Variants in ZHX2 observed in about 807,000 individuals in gnomAD.
The protein encoded by ZHX2 is zinc fingers and homeoboxes 2, also known as zinc fingers and homeoboxes protein 2.
In ZHX2, 6 loss-of-function variants were observed where a neutral mutation model predicts 21.9. The ratio of observed to expected loss-of-function variants is 0.27; its 90% CI spans 0.15 to 0.54. The LOEUF is 0.54. Among genes scored for constraint, ZHX2 ranks in the 20% least tolerant of loss-of-function variants. The pLI is 0.95. For synonymous variants in ZHX2, 434 were observed against 437.1 expected (o/e 0.99, Z 0.09); for missense variants, 908 against 1,090.7 (o/e 0.83, Z 2.36).
chr8:122,846,579 A>G (rs1306342375), intron 1 of ZHX2, among the ~76,000 whole-genome samples: 2 of 133,752 alleles, frequency 1.5e-5, no homozygotes, highest in Non-Finnish European at 3.2e-5. Context: ...GCCAGTCTCC[A>G]TGGGATCTTT....
chr8:122,833,964 T>G (rs1350627403), intron 1 of ZHX2, among the ~76,000 whole-genome samples: 2 of 150,276 alleles, frequency 1.3e-5, no homozygotes, highest in African/African-American at 4.9e-5. Context: ...GCCACTGCAC[T>G]CCAGCCTGGG....
chr8:122,911,562 C>T (rs1452774105), intron 2 of ZHX2, among the ~76,000 whole-genome samples: 3 of 152,122 alleles, frequency 2.0e-5, no homozygotes, highest in African/African-American at 4.8e-5. Flanking sequence ...AGGGAAGAGA[C>T]AAAGAAATAT....
intron 2 of ZHX2, among the ~76,000 whole-genome samples, chr8:122,886,990 G>A (rs1819856525): frequency 6.6e-6 from 1 of 151,550 alleles, no homozygotes; most frequent in African/African-American, 2.4e-5. Context: ...ATCAGAGGCA[G>A]AATTTGAATC....
chr8:122,906,953 G>C (rs1030911792), intron 2 of ZHX2, among the ~76,000 whole-genome samples: 7 of 152,134 alleles, frequency 4.6e-5, no homozygotes, highest in African/African-American at 1.7e-4. Flanking sequence ...TTACAGGCAT[G>C]AGCCGCCATA....
At chr8:122,955,075 G>A (rs961560622) in intron 3 of ZHX2, among the ~76,000 whole-genome samples, 1 of 137,506 alleles carries the variant, frequency 7.3e-6, no homozygotes, top group Non-Finnish European at 1.6e-5. Context: ...AAGCCGGGGG[G>A]GGGGGGGTGG....
intron 2 of ZHX2, among the ~76,000 whole-genome samples, chr8:122,904,858 C>T (rs532183790): frequency 1.3e-5 from 2 of 152,200 alleles, no homozygotes; most frequent in East Asian, 1.9e-4. Flanking sequence ...TAAAATTTTA[C>T]AGATTATAAA....
At chr8:122,802,728 A>G (rs1280349068) in intron 1 of ZHX2, among the ~76,000 whole-genome samples, 3 of 152,030 alleles carry the variant, frequency 2.0e-5, no homozygotes, top group Non-Finnish European at 4.4e-5. Flanking sequence ...AGGGCAGGAG[A>G]TGTGTTCTGG....
intron 2 of ZHX2, among the ~76,000 whole-genome samples, chr8:122,942,960 T>C (rs1196575738): frequency 2.0e-5 from 3 of 152,180 alleles, no homozygotes; most frequent in Non-Finnish European, 2.9e-5. Flanking sequence ...CCTGGGAGCC[T>C]GTTAGGAATG....
In ZHX2 at chr8:122,953,043, G is replaced by T; in HGVS notation, c.1533G>T (p.Leu511Phe). 2 of 1,614,044 alleles carry T rather than the reference G, an allele frequency of 1.2e-6. No individual in the cohort carries two copies. Among genetic ancestry groups the T allele is most frequent in the Non-Finnish European group, 1.7e-6 (2 of 1,180,030 alleles). ...ITSESLAKDQ[L>F]AIAASRHGRT... ...GCGAATCCCTTGCCAAAGACCAGTT[G>T]GCCATCGCGGCCTCCCGACACGGTC... The change falls in exon 3 of 4, where the codon TTG becomes TTT. Residue 511 changes from leucine (L) to phenylalanine (F), a missense_variant. Coordinates refer to ENST00000314393, the MANE Select transcript of ZHX2 (RefSeq NM_014943.5). The surrounding 1 kb of genome is among the most constrained non-coding windows in gnomAD (Gnocchi z 4.6).
At chr8:122,912,758 T>C (rs551206866) in intron 2 of ZHX2, among the ~76,000 whole-genome samples, 1 of 152,210 alleles carries the variant, frequency 6.6e-6, no homozygotes, top group South Asian at 2.1e-4. Flanking sequence ...GCACCTACTA[T>C]GTCCCAGGTA....
intron 2 of ZHX2, among the ~76,000 whole-genome samples, chr8:122,872,209 A>G (rs183055188): frequency 1.1e-4 from 17 of 152,304 alleles, no homozygotes; most frequent in Non-Finnish European, 2.2e-4. Context: ...CAGCTCAGAG[A>G]TAGAAGACTG....
rs768004784 is a variant in ZHX2 at position 122,953,898 on chromosome 8, G to A, written c.2388G>A (p.Val796=). Residue 796 remains valine (V), a synonymous_variant, in exon 3 of 4, where the codon GTG becomes GTA. Transcript: ENST00000314393. This position sits in a 1 kb window ranked among gnomAD's most constrained non-coding sequence, Gnocchi z 4.6. ...CGAGCGTTGTGGATTACGTGGAGGT[G>A]ACGGTCGGGGAGGAGGATGCGATCT... ...EESSVVDYVE[V]TVGEEDAISD... The A allele has an allele frequency of 1.9e-6, 3 of 1,614,200 alleles. No homozygotes were observed. The highest frequency in any genetic ancestry group is 2.5e-6 in the Non-Finnish European group (3 of 1,180,024).
intron 2 of ZHX2, among the ~76,000 whole-genome samples, chr8:122,870,944 T>A (rs1819418208): frequency 6.6e-6 from 1 of 152,194 alleles, no homozygotes; most frequent in African/African-American, 2.4e-5. Flanking sequence ...ACTGATCTTG[T>A]TAACCAAGTA....
At chr8:122,944,747 AG>A (rs1291891033) in intron 2 of ZHX2, among the ~76,000 whole-genome samples, 2 of 152,218 alleles carry the variant, frequency 1.3e-5, no homozygotes, top group African/African-American at 4.8e-5. Context: ...GTGCCATTGA[AG>A]GGTGTCTAGA....
intron 1 of ZHX2, among the ~76,000 whole-genome samples, chr8:122,813,196 C>CAAA (rs35396999): frequency 1.0e-5 from 1 of 96,468 alleles, no homozygotes; most frequent in Non-Finnish European, 2.1e-5. Flanking sequence ...AACTCTGTCT[C>CAAA]AAAAAAAAAA....
At chr8:122,866,468 C>T (rs1819299546) in intron 2 of ZHX2, among the ~76,000 whole-genome samples, 1 of 152,248 alleles carries the variant, frequency 6.6e-6, no homozygotes, top group Non-Finnish European at 1.5e-5. Context: ...GGCTCCCTCA[C>T]CCCATCTCAC....
intron 1 of ZHX2, among the ~76,000 whole-genome samples, chr8:122,834,389 G>A (rs776869659): frequency 6.6e-6 from 1 of 152,196 alleles, no homozygotes; most frequent in South Asian, 2.1e-4. Flanking sequence ...GAGGGGGCAC[G>A]GCCTGGTGCG....
chr8:122,812,763 G>A (rs1487771075), intron 1 of ZHX2, among the ~76,000 whole-genome samples: 1 of 152,212 alleles, frequency 6.6e-6, no homozygotes, highest in South Asian at 2.1e-4. Flanking sequence ...GAGGAGGGAA[G>A]GAAGGCCATT....
At chr8:122,877,820 C>T (rs1177108139) in intron 2 of ZHX2, among the ~76,000 whole-genome samples, 1 of 152,170 alleles carries the variant, frequency 6.6e-6, no homozygotes, top group Non-Finnish European at 1.5e-5. Context: ...GAACTATGGA[C>T]TGCATTTGGA....
Sources: allele counts gnomAD v4.1 joint callset (sites outside exome capture counted in the v4.1 genomes callset), GRCh38; gene constraint gnomAD v4.1.1; non-coding constraint Gnocchi (gnomAD v3.1); transcripts MANE v1.5; gene names NCBI Gene and HGNC (gene_info 2026-07-23, HGNC 2026-07-21).